SGCZ: variants seen among roughly 807,000 people sequenced by gnomAD.
The protein encoded by SGCZ is zeta-sarcoglycan.
In SGCZ, 40 loss-of-function variants were observed where a neutral mutation model predicts 41.3. That is an observed-to-expected ratio of 0.97 (90% CI 0.75 to 1.26). The LOEUF is 1.26. Among genes scored for constraint, SGCZ ranks in the 50% most tolerant of loss-of-function variants. SGCZ has a pLI of 0.00. For synonymous variants in SGCZ, 206 were observed against 137.5 expected (o/e 1.50, Z -3.49); for missense variants, 552 against 369.8 (o/e 1.49, Z -4.04).
In SGCZ at chr8:14,691,344, A is replaced by G. The variant is rs138124464; in HGVS notation, c.40-136418T>C. On this transcript the variant is annotated intron_variant, in intron 1 of 7. Transcript: ENST00000382080. The stretch of plus-strand genomic sequence containing the variant: ...GTTTAAAGAAGCTAAAAATCTCTAC[A>G]AATGCATTTAGGTGGCAGAGAATCT... Among the ~76,000 whole-genome samples, 17 of 152,264 alleles carry G rather than the reference A, an allele frequency of 1.1e-4. No individual in the cohort carries two copies. The East Asian group carries it at 3.3e-3, about 29-fold the overall frequency.
intron 1 of SGCZ, among the ~76,000 whole-genome samples, chr8:15,058,616 A>G (rs763261398): frequency 2.6e-5 from 4 of 152,174 alleles, no homozygotes; most frequent in Non-Finnish European, 4.4e-5. Flanking sequence ...ATTGTGTGTT[A>G]ATCTCTTTGG....
Position 14,088,864 on chromosome 8 carries a change from A to C in SGCZ, c.*1579T>G, listed in dbSNP as rs1801604255. On this transcript the variant is annotated 3_prime_UTR_variant, in exon 8 of 8. Transcript: ENST00000382080. ...GCAACAAGTTCTAATCTCCCAGTTCACTCTGAGCTGTAGACACCTGAACTC... is the reference window on the plus strand; with the variant it reads ...GCAACAAGTTCTAATCTCCCAGTTCCCTCTGAGCTGTAGACACCTGAACTC... Among the ~76,000 whole-genome samples the C allele has an allele frequency of 6.6e-6, 1 of 151,824 alleles. No homozygotes were observed. Among genetic ancestry groups the C allele is most frequent in the African/African-American group, 2.4e-5 (1 of 41,374 alleles).
At chr8:14,664,748 T>A (rs967378722) in intron 1 of SGCZ, among the ~76,000 whole-genome samples, 4 of 152,226 alleles carry the variant, frequency 2.6e-5, no homozygotes, top group African/African-American at 9.6e-5. Flanking sequence ...TATCAGCTGT[T>A]GACATTACTC....
intron 3 of SGCZ, among the ~76,000 whole-genome samples, chr8:14,269,467 A>G (rs113020472): frequency 6.6e-6 from 1 of 152,082 alleles, no homozygotes; most frequent in Non-Finnish European, 1.5e-5. Context: ...GAGGCACTGC[A>G]TCAGAAATAT....
chr8:14,244,174 C>A (rs1236752692), intron 3 of SGCZ, among the ~76,000 whole-genome samples: 1 of 149,382 alleles, frequency 6.7e-6, no homozygotes, highest in Admixed American at 6.7e-5. Flanking sequence ...CTTCCTCCTC[C>A]TCTTCCTTCT....
At chr8:14,871,777 C>G (rs1228036898) in intron 1 of SGCZ, among the ~76,000 whole-genome samples, 2 of 151,360 alleles carry the variant, frequency 1.3e-5, no homozygotes, top group African/African-American at 4.9e-5. Flanking sequence ...GCACACCAGC[C>G]TGGCAAGAGA....
intron 1 of SGCZ, among the ~76,000 whole-genome samples, chr8:15,206,841 C>T (rs145796796): frequency 6.6e-6 from 1 of 151,736 alleles, no homozygotes; most frequent in Non-Finnish European, 1.5e-5. Flanking sequence ...TCGAGGGGTA[C>T]TTTAGAAAGG....
At chr8:14,517,365 A>C (rs1441536766) in intron 2 of SGCZ, among the ~76,000 whole-genome samples, 2 of 152,126 alleles carry the variant, frequency 1.3e-5, no homozygotes, top group Admixed American at 6.6e-5. Flanking sequence ...ACTTTGTAAC[A>C]TCTAATAAAC....
chr8:15,100,758 G>C (rs1361391784), intron 1 of SGCZ, among the ~76,000 whole-genome samples: 2 of 152,178 alleles, frequency 1.3e-5, no homozygotes, highest in Non-Finnish European at 2.9e-5. Context: ...CAAACACGGA[G>C]AATCACTTAA....
Position 15,100,056 on chromosome 8 carries a change from C to T in SGCZ, c.39+137529G>A, listed in dbSNP as rs573422433. On this transcript the variant is annotated intron_variant, in intron 1 of 7. Coordinates refer to ENST00000382080, the MANE Select transcript of SGCZ (RefSeq NM_139167.4). The stretch of plus-strand genomic sequence containing the variant: ...CAAAACAGTAACAAAACAAAGATGT[C>T]TTTTCTTACCACTTCTAGTCAACAT... 2.0e-5 allele frequency among the ~76,000 whole-genome samples: 3 copies of T among 152,204 alleles called. No individual in the cohort carries two copies. In the South Asian group the frequency reaches 6.2e-4, roughly 32 times the overall value.
chr8:14,907,110 G>T (rs1040464800), intron 1 of SGCZ, among the ~76,000 whole-genome samples: 1 of 152,064 alleles, frequency 6.6e-6, no homozygotes, highest in Non-Finnish European at 1.5e-5. Context: ...TAAATAATTT[G>T]CCTATAAACT....
intron 1 of SGCZ, among the ~76,000 whole-genome samples, chr8:14,859,759 AAT>A: frequency 6.6e-6 from 1 of 152,200 alleles, no homozygotes; most frequent in Non-Finnish European, 1.5e-5. Context: ...AAGCCAGCGA[AAT>A]ATGAGTGCAA....
chr8:14,816,647 GAATATAAGAAATTAACCATGTTA>G (rs140732444), intron 1 of SGCZ, among the ~76,000 whole-genome samples: 20,875 of 152,104 alleles, frequency 0.14, 2,037 homozygotes, highest in East Asian at 0.27. Flanking sequence ...ACTCTGAGGT[GAATATAAGAAATTAACCATGTTA>G]AAATCACAGA....
At chr8:14,654,928 G>C (rs921574644) in intron 1 of SGCZ, among the ~76,000 whole-genome samples, 3 of 151,968 alleles carry the variant, frequency 2.0e-5, no homozygotes, top group Non-Finnish European at 4.4e-5. Context: ...GCCTCCCAAA[G>C]TGCTGGGACT....
At chr8:14,946,631 G>C (rs370471963) in intron 1 of SGCZ, among the ~76,000 whole-genome samples, 10 of 151,332 alleles carry the variant, frequency 6.6e-5, no homozygotes, top group African/African-American at 1.9e-4. Flanking sequence ...AACAGGATTG[G>C]CACTGCTTCA....
At chr8:15,201,967 T>G (rs1165312806) in intron 1 of SGCZ, among the ~76,000 whole-genome samples, 1 of 152,226 alleles carries the variant, frequency 6.6e-6, no homozygotes, top group Non-Finnish European at 1.5e-5. Flanking sequence ...CCCATTAATG[T>G]AGTTTGATTT....
rs1439859495 is a variant in SGCZ at position 14,514,639 on chromosome 8, GC to G, written c.234+40092del. ...TATATTTATATTTCAGGGTTTTACA[GC>G]TTAAATATTTTGGACTTTACATATA... On this transcript the variant is annotated intron_variant, in intron 2 of 7. Coordinates refer to ENST00000382080, the MANE Select transcript of SGCZ (RefSeq NM_139167.4). 2.0e-5 allele frequency among the ~76,000 whole-genome samples: 3 copies of G among 148,892 alleles called. No homozygotes were observed. In the Admixed American group the frequency reaches 2.0e-4, roughly 10 times the overall value.
At chr8:14,320,536 T>C (rs1300898724) in intron 3 of SGCZ, among the ~76,000 whole-genome samples, 2 of 152,132 alleles carry the variant, frequency 1.3e-5, no homozygotes, top group East Asian at 1.9e-4. Flanking sequence ...TGTATACAGC[T>C]TTTTGTCTGA....
At chr8:14,729,064 T>C (rs1810149216) in intron 1 of SGCZ, among the ~76,000 whole-genome samples, 2 of 152,186 alleles carry the variant, frequency 1.3e-5, no homozygotes, top group Non-Finnish European at 2.9e-5. Context: ...GAATCCAGTA[T>C]TTAAAATTCA....
Sources: allele counts gnomAD v4.1 joint callset (sites outside exome capture counted in the v4.1 genomes callset), GRCh38; gene constraint gnomAD v4.1.1; transcripts MANE v1.5; gene names NCBI Gene and HGNC (gene_info 2026-07-23, HGNC 2026-07-21).